BMPR1B: variants seen among roughly 807,000 people sequenced by gnomAD.
The protein encoded by BMPR1B is bone morphogenetic protein receptor type-1B.
A neutral mutation model predicts 59.1 loss-of-function variants in BMPR1B; 12 were observed. The observed-to-expected ratio is 0.20, with a 90% CI of 0.13 to 0.33. The LOEUF (loss-of-function observed/expected upper bound fraction) is 0.33, where lower values mean the gene tolerates loss of function less well. Ranked by LOEUF, BMPR1B falls within the 10% of genes least tolerant of loss-of-function variation. The probability of loss-of-function intolerance (pLI) is 1.00; values close to 1 mark genes in which losing one functional copy is unlikely to be tolerated. For missense variants in BMPR1B, 550 were observed against 610.9 expected (o/e 0.90, Z 1.05); for synonymous variants, 237 against 207.3 (o/e 1.14, Z -1.23).
chr4:94,831,640 A>G (rs1400451316), intron 1 of BMPR1B, among the ~76,000 whole-genome samples: 1 of 152,122 alleles, frequency 6.6e-6, no homozygotes, highest in African/African-American at 2.4e-5. Flanking sequence ...ATGTTTAGAT[A>G]TGTTAAAATA....
At chr4:94,883,638 GA>G (rs1727064719) in intron 2 of BMPR1B, among the ~76,000 whole-genome samples, 1 of 151,564 alleles carries the variant, frequency 6.6e-6, no homozygotes, top group African/African-American at 2.4e-5. Context: ...ATGTATTAAG[GA>G]ATATATTCTG....
At chr4:94,802,770 A>T (rs376796142) in intron 1 of BMPR1B, among the ~76,000 whole-genome samples, 3 of 152,168 alleles carry the variant, frequency 2.0e-5, no homozygotes, top group African/African-American at 7.2e-5. Context: ...CTAGGGAAAA[A>T]AAGTCACTGT....
intron 1 of BMPR1B, among the ~76,000 whole-genome samples, chr4:94,822,720 C>G (rs1468012511): frequency 1.3e-5 from 2 of 152,068 alleles, no homozygotes; most frequent in Admixed American, 1.3e-4. Flanking sequence ...GACTTAGCAC[C>G]CAGATGACTA....
intron 2 of BMPR1B, among the ~76,000 whole-genome samples, chr4:94,888,601 G>C (rs910338893): frequency 2.6e-5 from 4 of 151,922 alleles, no homozygotes; most frequent in Admixed American, 1.3e-4. Context: ...TCATTTTACA[G>C]ATAAGGAAAC....
chr4:94,796,761 A>G (rs902011579), intron 1 of BMPR1B, among the ~76,000 whole-genome samples: 6 of 152,094 alleles, frequency 3.9e-5, no homozygotes, highest in African/African-American at 1.4e-4. Flanking sequence ...ATATTTCCAA[A>G]GATTATTTTC....
chr4:94,843,900 C>T (rs1230831640), intron 1 of BMPR1B, among the ~76,000 whole-genome samples: 2 of 152,072 alleles, frequency 1.3e-5, no homozygotes, highest in Non-Finnish European at 2.9e-5. Context: ...TGATGGATGA[C>T]CTGGGGCTGC....
chr4:94,765,680 GT>G (rs33920885), intron 1 of BMPR1B, among the ~76,000 whole-genome samples: 5,075 of 152,174 alleles, frequency 0.033, 155 homozygotes, highest in East Asian at 0.083. Flanking sequence ...TTTCTACTTT[GT>G]CACATAGTAA....
chr4:94,810,613 G>T (rs1723775090), intron 1 of BMPR1B, among the ~76,000 whole-genome samples: 1 of 152,142 alleles, frequency 6.6e-6, no homozygotes, highest in South Asian at 2.1e-4. Context: ...ATTTTATGTG[G>T]CAGGTAGAGC....
At chr4:95,035,803 C>A (rs1725199020) in intron 3 of BMPR1B, among the ~76,000 whole-genome samples, 1 of 152,044 alleles carries the variant, frequency 6.6e-6, no homozygotes, top group Non-Finnish European at 1.5e-5. Flanking sequence ...ATTGTTTTTT[C>A]TAGTTCTGTG....
At chr4:94,869,322 C>T (rs943002622) in intron 1 of BMPR1B, among the ~76,000 whole-genome samples, 61 of 151,996 alleles carry the variant, frequency 4.0e-4, no homozygotes, top group African/African-American at 1.4e-3. Flanking sequence ...AAACCTTTTT[C>T]CGTTATTTTA....
chr4:94,775,720 A>C (rs972717698), intron 1 of BMPR1B, among the ~76,000 whole-genome samples: 1 of 152,202 alleles, frequency 6.6e-6, no homozygotes, highest in Non-Finnish European at 1.5e-5. Flanking sequence ...AGTTTTATTA[A>C]ACTGTGTAAA....
chr4:95,152,332 T>A (rs1560695723), intron 11 of BMPR1B, among the ~76,000 whole-genome samples: 1 of 152,204 alleles, frequency 6.6e-6, no homozygotes, highest in Non-Finnish European at 1.5e-5. Flanking sequence ...TAATATAGAT[T>A]TGTCTTTTAA....
intron 1 of BMPR1B, among the ~76,000 whole-genome samples, chr4:94,841,262 A>T (rs1313275660): frequency 6.9e-6 from 1 of 145,320 alleles, no homozygotes; most frequent in Non-Finnish European, 1.5e-5. Context: ...AGAGGCAGGC[A>T]GGCCTCCTTG....
intron 3 of BMPR1B, among the ~76,000 whole-genome samples, chr4:95,099,368 A>G (rs149103870): frequency 2.6e-5 from 4 of 152,308 alleles, no homozygotes; most frequent in African/African-American, 9.6e-5. Flanking sequence ...AGCTCCAACT[A>G]TTATCTGTCC....
At chr4:94,930,123 T>C (rs1729041225) in intron 2 of BMPR1B, among the ~76,000 whole-genome samples, 1 of 152,136 alleles carries the variant, frequency 6.6e-6, no homozygotes, top group Non-Finnish European at 1.5e-5. Flanking sequence ...ATCTCTTAAC[T>C]GGTTTCCCTG....
intron 4 of BMPR1B, among the ~76,000 whole-genome samples, chr4:95,109,770 A>G (rs543556058): frequency 4.6e-5 from 7 of 151,588 alleles, no homozygotes; most frequent in African/African-American, 1.7e-4. Flanking sequence ...GCTTTGTTAC[A>G]TATGTATACA....
At chr4:94,928,123 G>A (rs1353987105) in intron 2 of BMPR1B, among the ~76,000 whole-genome samples, 1 of 151,406 alleles carries the variant, frequency 6.6e-6, no homozygotes, top group Admixed American at 6.6e-5. Context: ...GATTAAATAT[G>A]TGTATGTGGT....
chr4:94,961,824 A>G (rs559937574), intron 2 of BMPR1B, among the ~76,000 whole-genome samples: 1 of 152,182 alleles, frequency 6.6e-6, no homozygotes, highest in African/African-American at 2.4e-5. Flanking sequence ...TTATGAATGC[A>G]TAATAGTTGT....
At chr4:94,983,460 A>G (rs1257003727) in intron 2 of BMPR1B, among the ~76,000 whole-genome samples, 1 of 152,222 alleles carries the variant, frequency 6.6e-6, no homozygotes, top group Non-Finnish European at 1.5e-5. Context: ...ATTCATAATT[A>G]CATCTTATTT....
Sources: allele counts gnomAD v4.1 joint callset (sites outside exome capture counted in the v4.1 genomes callset), GRCh38; gene constraint gnomAD v4.1.1; transcripts MANE v1.5; gene names NCBI Gene and HGNC (gene_info 2026-07-23, HGNC 2026-07-21).